The following CCDC38 variants were observed in gnomAD, a reference collection of about 807,000 sequenced individuals.
CCDC38 encodes the protein coiled-coil domain-containing protein 38.
In CCDC38, 69 loss-of-function variants were observed where a neutral mutation model predicts 72.8. The ratio of observed to expected loss-of-function variants is 0.95; its 90% CI spans 0.78 to 1.16. The LOEUF (loss-of-function observed/expected upper bound fraction) is 1.16, where lower values mean the gene tolerates loss of function less well. CCDC38 is among the 50% of genes most tolerant of loss of function. The pLI is 0.00. For missense variants in CCDC38, 626 were observed against 638.9 expected, an observed-to-expected ratio of 0.98 and a Z score of 0.22; for synonymous variants, 201 against 213.2, an observed-to-expected ratio of 0.94 and a Z score of 0.50.
At chr12:95,930,705 C>T (rs34779003) in intron 2 of CCDC38, among the ~76,000 whole-genome samples, 10,856 of 152,172 alleles carry the variant, frequency 0.071, 496 homozygotes, top group Non-Finnish European at 0.11. Flanking sequence ...TACAGCACTC[C>T]ATACCTGCAA....
chr12:95,901,454 A>T lies in CCDC38; in HGVS notation c.370-2723T>A, dbSNP rs2079949268. Among the ~76,000 whole-genome samples, 3 of 152,222 alleles carry T rather than the reference A, an allele frequency of 2.0e-5. No individual in the cohort carries two copies. The South Asian group carries it at 6.2e-4, about 31-fold the overall frequency. On this transcript the variant is annotated intron_variant, in intron 5 of 15. Transcript: ENST00000344280. ...GGAGTTCAGGGAAGAAGATCAAGCT[A>T]GAGAAATAAATTTGGAAGTTGTTAA... is the stretch of plus-strand genomic sequence containing the variant.
intron 10 of CCDC38, among the ~76,000 whole-genome samples, chr12:95,887,573 C>T (rs761364367): frequency 2.6e-5 from 4 of 152,136 alleles, no homozygotes; most frequent in South Asian, 2.1e-4. Context: ...AAATGCAGAA[C>T]GCATTGGCGG....
At chr12:95,917,347 C>A in intron 3 of CCDC38, 53 bp from the exon 4 acceptor site, 1 of 1,375,146 alleles carries the variant, frequency 7.3e-7, no homozygotes, top group Non-Finnish European at 9.9e-7. Flanking sequence ...AGTATGTTAT[C>A]TTAAAATTAG....
chr12:95,898,231 C>T (rs1289196356), intron 7 of CCDC38, among the ~76,000 whole-genome samples, 154 bp downstream of exon 7: 1 of 152,190 alleles, frequency 6.6e-6, no homozygotes, highest in Non-Finnish European at 1.5e-5. Context: ...AGGAACAAAT[C>T]TTGATGGACA....
intron 3 of CCDC38, among the ~76,000 whole-genome samples, chr12:95,917,659 G>C (rs1406893403): frequency 2.6e-5 from 4 of 152,068 alleles, no homozygotes. Flanking sequence ...GATCACCTGA[G>C]GTCAGGAGTT....
rs547695729 is a variant in CCDC38 at position 95,870,475 on chromosome 12, T to C, written c.1485-902A>G. Among the ~76,000 whole-genome samples, 33 of 152,342 alleles carry C rather than the reference T, an allele frequency of 2.2e-4. No individual in the cohort carries two copies. The South Asian group carries it at 5.4e-3, about 25-fold the overall frequency. ...TGGAAATAACATGTACTGAGCATTT[T>C]TATTGCAAAATTAGGTGCCGTGTTA... On this transcript the variant is annotated intron_variant, in intron 14 of 15. Transcript: ENST00000344280.
chr12:95,938,465 G>T (rs765267241), intron 1 of CCDC38, among the ~76,000 whole-genome samples: 1 of 151,948 alleles, frequency 6.6e-6, no homozygotes, highest in Non-Finnish European at 1.5e-5. Flanking sequence ...AAGTCTTTTT[G>T]CAATGAGCAT....
At chr12:95,908,439 T>C (rs1164162124) in intron 4 of CCDC38, among the ~76,000 whole-genome samples, 1 of 50,088 alleles carries the variant, frequency 2.0e-5, no homozygotes, top group African/African-American at 1.6e-4. Context: ...AGGGAGACCG[T>C]GGAAAGAGGG....
rs572076894 is a variant in CCDC38 at position 95,942,569 on chromosome 12, C to A, written c.-153G>T. The stretch of plus-strand genomic sequence containing the variant: ...CCCGGTTCCCGGTCATCTCAGGGAC[C>A]GTCTGGTAGCTGATCCCGGAACGCA... On this transcript the variant is annotated 5_prime_UTR_variant, in exon 1 of 16. Coordinates refer to ENST00000344280, the MANE Select transcript of CCDC38 (RefSeq NM_182496.3). 2.0e-5 allele frequency: 3 copies of A among 152,292 alleles called. No homozygotes were observed. Among genetic ancestry groups the A allele is most frequent in the Admixed American group, 2.0e-4 (3 of 15,284 alleles). The allele number at this position is 152,292 out of a possible 1,614,324, so 9.4% of individuals were successfully genotyped here. A position where few individuals can be genotyped will look rare whatever the true frequency, so the allele number is the denominator to read the frequency against.
chr12:95,876,765 G>A (rs75889953), intron 13 of CCDC38, among the ~76,000 whole-genome samples: 5,071 of 152,136 alleles, frequency 0.033, 147 homozygotes, highest in Middle Eastern at 0.051. Flanking sequence ...GGTAGGGGAG[G>A]ACAGTCTTCT....
At chr12:95,893,416 TC>T (rs1565949917) in intron 8 of CCDC38, among the ~76,000 whole-genome samples, 2 of 33,366 alleles carry the variant, frequency 6.0e-5, no homozygotes, top group Admixed American at 2.8e-4. Context: ...CTTCCCTCCC[TC>T]CCTCCCTCCC....
At chr12:95,934,329 G>A (rs143230974) in intron 2 of CCDC38, 4 of 152,000 alleles carry the variant, frequency 2.6e-5, no homozygotes, top group Non-Finnish European at 5.9e-5. Context: ...TGGGTTCAAA[G>A]GTTCATATTA....
chr12:95,907,995 G>A (rs1391970372), intron 4 of CCDC38, among the ~76,000 whole-genome samples: 1 of 151,284 alleles, frequency 6.6e-6, no homozygotes, highest in Non-Finnish European at 1.5e-5. Context: ...CATCCCAGAC[G>A]ATGGGCGGCC....
chr12:95,891,518 G>C (rs556078625), intron 8 of CCDC38, among the ~76,000 whole-genome samples: 1 of 151,938 alleles, frequency 6.6e-6, no homozygotes, highest in Non-Finnish European at 1.5e-5. Context: ...GCTAATTTTT[G>C]TATTTTTTTT....
At chr12:95,923,615 A>G (rs959733322) in intron 2 of CCDC38, among the ~76,000 whole-genome samples, 1 of 152,162 alleles carries the variant, frequency 6.6e-6, no homozygotes, top group Admixed American at 6.5e-5. Flanking sequence ...ATATGTATAC[A>G]TGTGCCATGC....
chr12:95,931,789 A>G (rs1379367857), intron 2 of CCDC38, among the ~76,000 whole-genome samples: 2 of 152,244 alleles, frequency 1.3e-5, no homozygotes, highest in East Asian at 3.8e-4. Flanking sequence ...TCTGTGGGAA[A>G]AATAAAGCAG....
intron 1 of CCDC38, among the ~76,000 whole-genome samples, chr12:95,940,163 T>C (rs2080433658): frequency 6.6e-6 from 1 of 152,224 alleles, no homozygotes; most frequent in African/African-American, 2.4e-5. Flanking sequence ...ACTGCCGCCA[T>C]TTGAAATGGG....
intron 10 of CCDC38, 28 bp from the exon 11 acceptor site, chr12:95,881,582 G>A: frequency 6.3e-7 from 1 of 1,582,832 alleles, no homozygotes; most frequent in South Asian, 1.1e-5. Context: ...AAAAGAAAAT[G>A]TCTGATTTGT....
intron 15 of CCDC38, among the ~76,000 whole-genome samples, chr12:95,868,265 A>G (rs2079544881): frequency 6.6e-6 from 1 of 152,164 alleles, no homozygotes; most frequent in African/African-American, 2.4e-5. Flanking sequence ...CACATCAAGT[A>G]TCCATGATGT....
Sources: gnomAD v4.1 joint callset for allele counts (sites outside exome capture counted in the v4.1 genomes callset) on GRCh38, gnomAD v4.1.1 for gene constraint, MANE v1.5 for transcripts, NCBI Gene and HGNC (gene_info 2026-07-23, HGNC 2026-07-21) for gene names.